Variants in TMEM132D observed in about 807,000 individuals in gnomAD.
The protein encoded by TMEM132D is mature OL transmembrane protein.
TMEM132D carries 21 observed loss-of-function variants against 62.3 expected under a neutral mutation model. The observed-to-expected ratio is 0.34, with a 90% CI of 0.24 to 0.49. The LOEUF is 0.49. TMEM132D is among the 20% of genes least tolerant of loss of function. The pLI is 0.99. For synonymous variants in TMEM132D, 621 were observed against 575.6 expected, an observed-to-expected ratio of 1.08 and a Z score of -1.13; for missense variants, 1,346 against 1,402.8, an observed-to-expected ratio of 0.96 and a Z score of 0.65.
intron 1 of TMEM132D, among the ~76,000 whole-genome samples, chr12:129,861,948 C>T (rs1873913988): frequency 6.6e-6 from 1 of 152,008 alleles, no homozygotes; most frequent in South Asian, 2.1e-4. Flanking sequence ...TTAACTGCTC[C>T]TGTAGCCACA....
chr12:129,509,675 T>C (rs182024365), intron 3 of TMEM132D, among the ~76,000 whole-genome samples: 2 of 152,228 alleles, frequency 1.3e-5, no homozygotes, highest in East Asian at 3.9e-4. Context: ...TTCCATGAGC[T>C]CAATTGTTTT....
intron 2 of TMEM132D, among the ~76,000 whole-genome samples, chr12:129,572,719 G>C (rs183368332): frequency 7.8e-4 from 118 of 152,160 alleles, no homozygotes; most frequent in South Asian, 1.5e-3. Context: ...AAAGTGCTGG[G>C]ATTACAAGTG....
rs553351394 is a variant in TMEM132D at position 129,206,152 on chromosome 12, G to A, written c.1443+3368C>T. 2.2e-4 allele frequency among the ~76,000 whole-genome samples: 34 copies of A among 152,248 alleles called. No individual in the cohort carries two copies. The South Asian group carries it at 5.4e-3, about 24-fold the overall frequency. ...TCTGCAGAGCAAAGGAAACTCAACA[G>A]AGTAAACAGACAACCTACATACAGA... On this transcript the variant is annotated intron_variant, in intron 5 of 8. Coordinates refer to ENST00000422113, the MANE Select transcript of TMEM132D (RefSeq NM_133448.3).
intron 1 of TMEM132D, among the ~76,000 whole-genome samples, chr12:129,746,657 T>C (rs1292322488): frequency 2.0e-5 from 3 of 152,302 alleles, no homozygotes; most frequent in East Asian, 1.9e-4. Flanking sequence ...TCATCATTTA[T>C]GTAAACCTTT....
chr12:129,528,818 G>C (rs1175323212), intron 3 of TMEM132D, among the ~76,000 whole-genome samples: 1 of 152,186 alleles, frequency 6.6e-6, no homozygotes, highest in Non-Finnish European at 1.5e-5. Flanking sequence ...AGCATAACTG[G>C]AAAAAGACCT....
intron 1 of TMEM132D, among the ~76,000 whole-genome samples, chr12:129,801,954 T>C (rs1593167577): frequency 6.6e-6 from 1 of 150,818 alleles, no homozygotes; most frequent in East Asian, 2.0e-4. Context: ...GAAGATGAAA[T>C]GAATGAAATG....
intron 2 of TMEM132D, among the ~76,000 whole-genome samples, chr12:129,661,767 C>T (rs955216275): frequency 6.6e-6 from 1 of 152,136 alleles, no homozygotes; most frequent in Non-Finnish European, 1.5e-5. Context: ...ATAAAGATGT[C>T]TTTGACATTT....
intron 5 of TMEM132D, among the ~76,000 whole-genome samples, chr12:129,187,555 T>C (rs1593289561): frequency 6.6e-6 from 1 of 151,952 alleles, no homozygotes; most frequent in East Asian, 1.9e-4. Context: ...TGTATCACAA[T>C]TACTAAGCCA....
chr12:129,481,343 G>A (rs1283018015), intron 3 of TMEM132D, among the ~76,000 whole-genome samples: 1 of 151,652 alleles, frequency 6.6e-6, no homozygotes, highest in Non-Finnish European at 1.5e-5. Flanking sequence ...CACATCTGCA[G>A]CCCCAGCTAC....
At chr12:129,324,801 C>CT (rs936009539) in intron 4 of TMEM132D, among the ~76,000 whole-genome samples, 1 of 152,016 alleles carries the variant, frequency 6.6e-6, no homozygotes, top group Non-Finnish European at 1.5e-5. Flanking sequence ...GCACTCCAGC[C>CT]TGGGCAATAG....
intron 2 of TMEM132D, among the ~76,000 whole-genome samples, chr12:129,655,851 C>G (rs531680919): frequency 1.3e-5 from 2 of 152,270 alleles, no homozygotes; most frequent in South Asian, 4.1e-4. Flanking sequence ...TGCAAACACA[C>G]AGAAGGAAGG....
chr12:129,244,403 A>AC (rs35387239), intron 4 of TMEM132D, among the ~76,000 whole-genome samples: 67,417 of 145,654 alleles, frequency 0.46, 15,963 homozygotes, highest in Middle Eastern at 0.54. Flanking sequence ...AAAAAAAAAA[A>AC]AAAAAACAAA....
At chr12:129,647,822 C>T (rs1237711986) in intron 2 of TMEM132D, among the ~76,000 whole-genome samples, 1 of 151,978 alleles carries the variant, frequency 6.6e-6, no homozygotes, top group Non-Finnish European at 1.5e-5. Context: ...TAATTTTTGT[C>T]GTTTTGAAAC....
intron 1 of TMEM132D, among the ~76,000 whole-genome samples, chr12:129,797,614 C>T (rs1235174868): frequency 2.0e-5 from 3 of 152,130 alleles, no homozygotes; most frequent in Non-Finnish European, 2.9e-5. Context: ...CTGTGTGTGT[C>T]GTTACACATG....
intron 5 of TMEM132D, among the ~76,000 whole-genome samples, chr12:129,112,890 T>G (rs1593265641): frequency 6.6e-6 from 1 of 152,204 alleles, no homozygotes; most frequent in East Asian, 1.9e-4. Context: ...AACCTCTTCT[T>G]GCTGTGAGTG....
chr12:129,437,511 C>T (rs897363744), intron 3 of TMEM132D, among the ~76,000 whole-genome samples: 5 of 152,260 alleles, frequency 3.3e-5, no homozygotes, highest in African/African-American at 1.2e-4. Context: ...TCATACTTCT[C>T]AAATTTTAGA....
At chr12:129,197,567 G>T (rs1878583168) in intron 5 of TMEM132D, among the ~76,000 whole-genome samples, 1 of 152,166 alleles carries the variant, frequency 6.6e-6, no homozygotes, top group Non-Finnish European at 1.5e-5. Context: ...TCGATAAATG[G>T]CACTGGGAAA....
intron 2 of TMEM132D, among the ~76,000 whole-genome samples, chr12:129,590,569 C>T (rs547636888): frequency 6.6e-6 from 1 of 152,326 alleles, no homozygotes; most frequent in African/African-American, 2.4e-5. Context: ...TTCTTTTTCA[C>T]TGGCTGTGTA....
At chr12:129,332,849 G>A (rs911950501) in intron 4 of TMEM132D, among the ~76,000 whole-genome samples, 16 of 152,230 alleles carry the variant, frequency 1.1e-4, no homozygotes, top group East Asian at 5.8e-4. Flanking sequence ...TGTGGTTACC[G>A]GTGTCTGGGG....
Sources: gnomAD v4.1 joint callset for allele counts (sites outside exome capture counted in the v4.1 genomes callset) on GRCh38, gnomAD v4.1.1 for gene constraint, MANE v1.5 for transcripts, NCBI Gene and HGNC (gene_info 2026-07-23, HGNC 2026-07-21) for gene names.